The following ALDH6A1 variants were observed in gnomAD, a reference collection of about 807,000 sequenced individuals.
ALDH6A1 encodes the protein methylmalonate-semialdehyde/malonate-semialdehyde dehydrogenase [acylating], mitochondrial.
In ALDH6A1, 43 loss-of-function variants were observed where a neutral mutation model predicts 62.6. The ratio of observed to expected loss-of-function variants is 0.69; its 90% CI spans 0.54 to 0.89. The LOEUF is 0.89. ALDH6A1 is among the 40% of genes least tolerant of loss of function. ALDH6A1 has a pLI of 0.00. For missense variants in ALDH6A1, 551 were observed against 661.3 expected (o/e 0.83, Z 1.83); for synonymous variants, 194 against 234.2 (o/e 0.83, Z 1.57).
In ALDH6A1 at chr14:74,064,842, T is replaced by C. The variant is rs142529714; in HGVS notation, c.1483A>G (p.Thr495Ala). 5 of 1,613,928 alleles carry C rather than the reference T, an allele frequency of 3.1e-6. No individual in the cohort carries two copies. The African/African-American group carries it at 5.3e-5, about 17-fold the overall frequency. ...TGSRSSFRGDTNFYGKQGIQF... is the reference protein window; with the variant it reads ...TGSRSSFRGDANFYGKQGIQF... ...GTTACCTGTTTGCCATAGAAATTGG[T>C]GTCTCCCCTGAAGGAGGATCGAGAG... The change falls in exon 11 of 12, where the codon ACC (threonine) becomes GCC (alanine). Residue 495 changes from threonine to alanine, a missense_variant. Transcript: ENST00000553458.
chr14:74,080,082 A>G (rs1379416997), intron 1 of ALDH6A1, among the ~76,000 whole-genome samples: 4 of 152,184 alleles, frequency 2.6e-5, no homozygotes, highest in Non-Finnish European at 5.9e-5. Flanking sequence ...TAAACTCTGC[A>G]TCTTCCTTTT....
intron 9 of ALDH6A1, 119 bp downstream of exon 9, chr14:74,066,586 T>C: frequency 9.4e-7 from 1 of 1,063,820 alleles, no homozygotes; most frequent in Non-Finnish European, 1.4e-6. Context: ...AATTGATCAA[T>C]CCTGGCAAGA....
chr14:74,066,257 C>G (rs2060462711), intron 9 of ALDH6A1, among the ~76,000 whole-genome samples: 1 of 152,090 alleles, frequency 6.6e-6, no homozygotes, highest in Non-Finnish European at 1.5e-5. Flanking sequence ...CCAAATGTGG[C>G]TTCCTGCCTG....
chr14:74,063,635 G>GT (rs1312997341), intron 11 of ALDH6A1, among the ~76,000 whole-genome samples: 1 of 151,838 alleles, frequency 6.6e-6, no homozygotes, highest in Non-Finnish European at 1.5e-5. Flanking sequence ...GGAGGCTGAG[G>GT]CAGGCGGATC....
rs575159453 is a variant in ALDH6A1 at position 74,057,540 on chromosome 14, G to A, written c.*3102C>T. ...AGCCAAAATGTGTACTATCTTTTAC[G>A]TAAGAGTAAACATAGTGACCTTGTG... On this transcript the variant is annotated 3_prime_UTR_variant, in exon 12 of 12. Coordinates refer to ENST00000553458, the MANE Select transcript of ALDH6A1 (RefSeq NM_005589.4). 1.1e-4 allele frequency: 150 copies of A among 1,340,206 alleles called. No homozygotes were observed. Among genetic ancestry groups the A allele is most frequent in the Non-Finnish European group, 1.3e-4 (134 of 1,037,180 alleles). 83.0% of individuals were successfully genotyped at this position (1,340,206 alleles called of 1,614,324 possible).
chr14:74,084,238 C>A, intron 1 of ALDH6A1, 109 bp downstream of exon 1: 1 of 1,546,170 alleles, frequency 6.5e-7, no homozygotes, highest in Non-Finnish European at 8.8e-7. Flanking sequence ...GAGGTCTGGC[C>A]AAAAAGGGGT....
chr14:74,081,517 T>C (rs768569176), intron 1 of ALDH6A1, among the ~76,000 whole-genome samples: 5 of 152,200 alleles, frequency 3.3e-5, no homozygotes, highest in Non-Finnish European at 5.9e-5. Flanking sequence ...ACAGGTTCGA[T>C]CTTCTATCTT....
At chr14:74,068,130 A>T (rs1306280789) in intron 7 of ALDH6A1, among the ~76,000 whole-genome samples, 2 of 152,038 alleles carry the variant, frequency 1.3e-5, no homozygotes, top group Non-Finnish European at 2.9e-5. Context: ...CATGCCTGTA[A>T]TCCCAGCACT....
At position 74,057,347 on chromosome 14, in the gene ALDH6A1, T is replaced by C; in HGVS notation, c.*3295A>G. The C allele has an allele frequency of 6.3e-7, 1 of 1,587,582 alleles. No homozygotes were observed. Among genetic ancestry groups the C allele is most frequent in the Non-Finnish European group, 8.6e-7 (1 of 1,165,674 alleles). ...GCTAAATCACGGTTATTTTCTCTAC[T>C]AGTTGAGAGACTTCAGGGATCAGTG... On this transcript the variant is annotated 3_prime_UTR_variant, in exon 12 of 12. Transcript: ENST00000553458.
At chr14:74,065,390 G>A in intron 9 of ALDH6A1, 30 bp from the exon 10 acceptor site, 1 of 1,608,538 alleles carries the variant, frequency 6.2e-7, no homozygotes, top group South Asian at 1.1e-5. Context: ...CAGAAAAGAA[G>A]TCAGCTTTTT....
rs761850051 is a variant in ALDH6A1 at position 74,068,964 on chromosome 14, C to T, written c.748G>A (p.Asp250Asn). The part of the protein sequence containing the change: ...GQHEAVNFIC[D>N]HPDIKAISFV... The stretch of plus-strand genomic sequence containing the variant: ...CTGATTGCTTTGATGTCCGGATGAT[C>T]GCAAATAAAATTTACAGCTTTAAGA... The change falls in exon 7 of 12, where the codon GAT (aspartate) becomes AAT (asparagine). Residue 250 changes from aspartate to asparagine, a missense_variant. Physicochemically the swap from Asp to Asn is conservative, Grantham distance 23. Transcript: ENST00000553458. 8.7e-6 allele frequency: 14 copies of T among 1,613,750 alleles called. No individual in the cohort carries two copies. Among genetic ancestry groups the T allele is most frequent in the Admixed American group, 5.0e-5 (3 of 59,948 alleles).
chr14:74,066,828 G>A lies in ALDH6A1; in HGVS notation c.1101C>T (p.Val367=). Residue 367 remains valine, a synonymous_variant, in exon 9 of 12, where the codon GTC becomes GTT. Coordinates refer to ENST00000553458, the MANE Select transcript of ALDH6A1 (RefSeq NM_005589.4). ...TTGTTCCACTATCAATCAGATTACA[G>A]ACTCGCTCTTTGGCCTGGGGAGTGA... ...PLITPQAKER[V]CNLIDSGTKE... 6.2e-7 allele frequency: 1 copy of A among 1,614,054 alleles called. No individual in the cohort carries two copies. The highest frequency in any genetic ancestry group is 8.5e-7 in the Non-Finnish European group (1 of 1,179,992).
rs3742807 is a variant in ALDH6A1 at position 74,057,295 on chromosome 14, T to C, written c.*3347A>G. On this transcript the variant is annotated 3_prime_UTR_variant, in exon 12 of 12. Transcript: ENST00000553458. Reference sequence around the variant, plus strand: ...GTATCTAATCAAACAATGTATATTGTTGTCACCCTTCCCCATGTCGCTTCT... The same window carrying C: ...GTATCTAATCAAACAATGTATATTGCTGTCACCCTTCCCCATGTCGCTTCT... 3,580 of 1,613,732 alleles carry C rather than the reference T, an allele frequency of 2.2e-3. 162 individuals carry two copies. The East Asian group carries it at 0.072, about 33-fold the overall frequency.
chr14:74,064,945 T>C (rs1381497727), intron 10 of ALDH6A1, 25 bp from the exon 11 acceptor site: 3 of 1,598,550 alleles, frequency 1.9e-6, no homozygotes, highest in Non-Finnish European at 2.6e-6. Flanking sequence ...ATCCGTGTCA[T>C]ATCCTAAGGA....
intron 9 of ALDH6A1, among the ~76,000 whole-genome samples, chr14:74,066,398 A>T (rs907083022): frequency 1.3e-5 from 2 of 152,192 alleles, no homozygotes; most frequent in African/African-American, 4.8e-5. Context: ...GAACACAGCC[A>T]CACAATGTTT....
At chr14:74,067,270 A>G in intron 8 of ALDH6A1, 110 bp downstream of exon 8, 1 of 1,265,630 alleles carries the variant, frequency 7.9e-7, no homozygotes, top group Non-Finnish European at 1.1e-6. Context: ...AAAGAGAGGA[A>G]ATGGCAAGAA....
intron 5 of ALDH6A1, 156 bp downstream of exon 5, chr14:74,071,740 G>A (rs1017420047): frequency 2.3e-5 from 33 of 1,444,452 alleles, no homozygotes; most frequent in African/African-American, 7.1e-5. Flanking sequence ...TCAGTCTTAG[G>A]GATACTGAAT....
chr14:74,065,376 C>A lies in ALDH6A1; in HGVS notation c.1225-16G>T. 6.2e-7 allele frequency: 1 copy of A among 1,613,132 alleles called. No individual in the cohort carries two copies. The highest frequency in any genetic ancestry group is 1.1e-5 in the South Asian group (1 of 91,008). On this transcript the variant is annotated splice_polypyrimidine_tract_variant and intron_variant, in intron 9 of 11. Coordinates refer to ENST00000553458, the MANE Select transcript of ALDH6A1 (RefSeq NM_005589.4). ...TCATATTTGGCTGCCAGGAGTGATG[C>A]ATCCAGAAAAGAAGTCAGCTTTTTG...
In ALDH6A1 at chr14:74,059,302, G is replaced by A; in HGVS notation, c.*1340C>T. 6.7e-6 allele frequency: 3 copies of A among 446,424 alleles called. 1 individual carries two copies. Among genetic ancestry groups the A allele is most frequent in the South Asian group, 4.8e-5 (3 of 62,850 alleles). 27.7% of individuals were successfully genotyped at this position (446,424 alleles called of 1,614,324 possible). ...TATAAAATTTGGCAAGTAATAGCAG[G>A]TTAGATTTGCTTAAGGCAGGTGTCT... On this transcript the variant is annotated 3_prime_UTR_variant, in exon 12 of 12. Coordinates refer to ENST00000553458, the MANE Select transcript of ALDH6A1 (RefSeq NM_005589.4).
Sources: allele counts gnomAD v4.1 joint callset (sites outside exome capture counted in the v4.1 genomes callset), GRCh38; gene constraint gnomAD v4.1.1; transcripts MANE v1.5; gene names NCBI Gene and HGNC (gene_info 2026-07-23, HGNC 2026-07-21).